The following MBNL2 variants were observed in gnomAD, a reference collection of about 807,000 sequenced individuals.
MBNL2 encodes muscleblind like splicing regulator 2.
Under a neutral mutation model 41.9 loss-of-function variants are expected in MBNL2, and 17 were observed. That is an observed-to-expected ratio of 0.41 (90% CI 0.28 to 0.61). The LOEUF (loss-of-function observed/expected upper bound fraction) is 0.61, where lower values mean the gene tolerates loss of function less well. Among genes scored for constraint, MBNL2 ranks in the 20% least tolerant of loss-of-function variants. MBNL2 has a pLI of 0.35. For missense variants in MBNL2, 336 were observed against 505.6 expected, an observed-to-expected ratio of 0.66 and a Z score of 3.22; for synonymous variants, 195 against 182.9, an observed-to-expected ratio of 1.07 and a Z score of -0.53.
intron 2 of MBNL2, among the ~76,000 whole-genome samples, chr13:97,300,847 G>A (rs965951409): frequency 3.3e-5 from 5 of 152,070 alleles, no homozygotes; most frequent in African/African-American, 1.2e-4. Context: ...CCTTGCACTC[G>A]GATTTTTTTC....
rs1343171969 is a variant in MBNL2, at chr13:97,276,210, C to G, written c.-26C>G. 1 of 1,592,268 alleles carries G rather than the reference C, an allele frequency of 6.3e-7. No individual in the cohort carries two copies. The highest frequency in any genetic ancestry group is 8.6e-7 in the Non-Finnish European group (1 of 1,163,668). ...GATTGATTTCATCATTTAACAGAAA[C>G]AAACAGCCCAAATTACTTTATCACC... On this transcript the variant is annotated 5_prime_UTR_variant, in exon 2 of 9. Transcript: ENST00000679496.
At chr13:97,243,912 G>T (rs2044866256) in intron 1 of MBNL2, among the ~76,000 whole-genome samples, 1 of 152,138 alleles carries the variant, frequency 6.6e-6, no homozygotes, top group African/African-American at 2.4e-5. Flanking sequence ...GAGAAAAAAG[G>T]TAGAGGGAAA....
chr13:97,175,419 A>AG, the MBNL2 span, among the ~76,000 whole-genome samples: 1 of 152,114 alleles, frequency 6.6e-6, no homozygotes, highest in Non-Finnish European at 1.5e-5. Context: ...ATCCAGGAAA[A>AG]CGGGTGCAAA....
chr13:97,271,126 G>GT (rs796072734), intron 1 of MBNL2, among the ~76,000 whole-genome samples: 2,088 of 114,016 alleles, frequency 0.018, 64 homozygotes, highest in African/African-American at 0.059. Flanking sequence ...TTTTTTTTTT[G>GT]TTTTTTTTTT....
intron 8 of MBNL2, among the ~76,000 whole-genome samples, chr13:97,368,738 GTA>G (rs1389402867): frequency 6.7e-6 from 1 of 149,948 alleles, no homozygotes; most frequent in African/African-American, 2.5e-5. Context: ...TCGTGTCTGT[GTA>G]TGTGTGTGTG....
chr13:97,248,161 C>T lies in MBNL2; in HGVS notation c.-605+25630C>T, dbSNP rs1275836532. 3.9e-5 allele frequency among the ~76,000 whole-genome samples: 6 copies of T among 152,312 alleles called. No homozygotes were observed. In the East Asian group the frequency reaches 9.6e-4, roughly 24 times the overall value. The stretch of plus-strand genomic sequence containing the variant: ...ACATATATATATTTTAAGATGGAGT[C>T]TTTCTCTGTAACCCAGGCTGGGGTG... On this transcript the variant is annotated intron_variant, in intron 1 of 8. Coordinates refer to ENST00000679496, the MANE Select transcript of MBNL2 (RefSeq NM_001382683.1).
the MBNL2 span, among the ~76,000 whole-genome samples, chr13:97,184,159 C>T: frequency 1.3e-5 from 2 of 152,174 alleles, no homozygotes; most frequent in African/African-American, 2.4e-5. Flanking sequence ...AGACTATTCT[C>T]ACATTCATTC....
At chr13:97,332,693 A>G (rs1476759984) in intron 2 of MBNL2, among the ~76,000 whole-genome samples, 4 of 152,232 alleles carry the variant, frequency 2.6e-5, no homozygotes, top group Non-Finnish European at 4.4e-5. Flanking sequence ...AGACTTTCCA[A>G]TATTTTCCCT....
chr13:97,149,611 G>A, the MBNL2 span, among the ~76,000 whole-genome samples: 1 of 152,126 alleles, frequency 6.6e-6, no homozygotes, highest in African/African-American at 2.4e-5. Context: ...GCTTAAACAG[G>A]TAGTTCTTAT....
the MBNL2 span, among the ~76,000 whole-genome samples, chr13:97,187,906 CAA>C: frequency 1.3e-4 from 16 of 121,796 alleles, no homozygotes; most frequent in Admixed American, 1.5e-4. Context: ...GACTTCGTCT[CAA>C]AAAAAAAAAA....
intron 1 of MBNL2, among the ~76,000 whole-genome samples, chr13:97,230,869 G>A (rs548030725): frequency 1.3e-5 from 2 of 152,312 alleles, no homozygotes; most frequent in East Asian, 3.9e-4. Flanking sequence ...CAGAATATTA[G>A]ATAGTTAAGG....
chr13:97,233,328 C>T (rs1182736094), intron 1 of MBNL2, among the ~76,000 whole-genome samples: 3 of 74,002 alleles, frequency 4.1e-5, no homozygotes, highest in African/African-American at 1.1e-4. Flanking sequence ...CCTCCCCCCA[C>T]CCCACAACAG....
chr13:97,359,827 T>C (rs2063266961), intron 7 of MBNL2, among the ~76,000 whole-genome samples: 1 of 152,174 alleles, frequency 6.6e-6, no homozygotes, highest in African/African-American at 2.4e-5. Context: ...TCTGAAATGG[T>C]ATTTCAACTG....
rs1442675425 is a variant in MBNL2 at position 97,270,633 on chromosome 13, AGGT to A, written c.-604-4997_-604-4995del. On this transcript the variant is annotated intron_variant, in intron 1 of 8. Coordinates refer to ENST00000679496, the MANE Select transcript of MBNL2 (RefSeq NM_001382683.1). The stretch of plus-strand genomic sequence containing the variant: ...TTCTCAGTTTCACTAGCCACAATTC[AGGT>A]GCTTGATTGATATGTTGCTGGTGAT... Among the ~76,000 whole-genome samples the A allele has an allele frequency of 2.0e-5, 3 of 152,362 alleles. No homozygotes were observed. In the East Asian group the frequency reaches 5.8e-4, roughly 29 times the overall value.
chr13:97,206,353 T>C, the MBNL2 span, among the ~76,000 whole-genome samples: 1 of 152,104 alleles, frequency 6.6e-6, no homozygotes. Context: ...TCACTTTTCA[T>C]ATATTAAGAT....
intron 1 of MBNL2, among the ~76,000 whole-genome samples, chr13:97,233,110 G>T (rs1405881767): frequency 3.4e-5 from 3 of 87,952 alleles, no homozygotes; most frequent in Admixed American, 2.9e-4. Flanking sequence ...TGATGCTCTC[G>T]CTTCAGGCTC....
At chr13:97,199,650 C>A in the MBNL2 span, among the ~76,000 whole-genome samples, 1 of 152,216 alleles carries the variant, frequency 6.6e-6, no homozygotes, top group Non-Finnish European at 1.5e-5. Flanking sequence ...CCCTGGGAAG[C>A]CTCTGATCCG....
At chr13:97,218,430 C>CAAAAAAAAAAAAAAAAA (rs746110575), upstream of MBNL2, among the ~76,000 whole-genome samples, 9 of 69,044 alleles carry the variant, frequency 1.3e-4, no homozygotes, top group Non-Finnish European at 2.1e-4. Context: ...AAAAACAAAA[C>CAAAAAAAAAAAAAAAAA]AAAACAAAAC....
At chr13:97,278,587 C>T (rs981831858) in intron 2 of MBNL2, among the ~76,000 whole-genome samples, 5 of 152,100 alleles carry the variant, frequency 3.3e-5, no homozygotes, top group African/African-American at 1.2e-4. Context: ...TCAAGTAATC[C>T]AGCCCCCAGA....
Sources: allele counts gnomAD v4.1 joint callset (sites outside exome capture counted in the v4.1 genomes callset), GRCh38; gene constraint gnomAD v4.1.1; transcripts MANE v1.5; gene names NCBI Gene and HGNC (gene_info 2026-07-23, HGNC 2026-07-21).